Variants in CNTNAP2 observed in about 807,000 individuals in gnomAD.
CNTNAP2 encodes contactin-associated protein-like 2.
A neutral mutation model predicts 155.2 loss-of-function variants in CNTNAP2; 98 were observed. The ratio of observed to expected loss-of-function variants is 0.63; its 90% CI spans 0.54 to 0.75. CNTNAP2 has a LOEUF of 0.75. Ranked by LOEUF, CNTNAP2 falls within the 30% of genes least tolerant of loss-of-function variation. The pLI is 0.00. For synonymous variants in CNTNAP2, 651 were observed against 631.2 expected, an observed-to-expected ratio of 1.03 and a Z score of -0.47; for missense variants, 1,727 against 1,688.1, an observed-to-expected ratio of 1.02 and a Z score of -0.40.
chr7:146,304,145 T>G (rs1436711818), intron 1 of CNTNAP2, among the ~76,000 whole-genome samples: 1 of 151,846 alleles, frequency 6.6e-6, no homozygotes, highest in East Asian at 1.9e-4. Flanking sequence ...TGTCCCTTTT[T>G]TTTGAGCCTA....
intron 9 of CNTNAP2, among the ~76,000 whole-genome samples, chr7:147,391,657 C>T (rs1310485574): frequency 1.3e-5 from 2 of 151,974 alleles, no homozygotes; most frequent in Non-Finnish European, 2.9e-5. Context: ...AATTAGAATC[C>T]CTATTGTTTA....
At chr7:146,940,727 G>GTATA in intron 3 of CNTNAP2, among the ~76,000 whole-genome samples, 1 of 151,192 alleles carries the variant, frequency 6.6e-6, no homozygotes, top group Non-Finnish European at 1.5e-5. Flanking sequence ...AATATGGTGT[G>GTATA]TATATATATA....
intron 15 of CNTNAP2, among the ~76,000 whole-genome samples, chr7:148,106,081 T>C (rs1318039771): frequency 6.6e-6 from 1 of 152,144 alleles, no homozygotes; most frequent in Non-Finnish European, 1.5e-5. Context: ...CTATCAGGCC[T>C]TGGGGATTGA....
At chr7:146,950,163 T>C (rs1184596384) in intron 3 of CNTNAP2, among the ~76,000 whole-genome samples, 3 of 152,194 alleles carry the variant, frequency 2.0e-5, no homozygotes, top group Non-Finnish European at 2.9e-5. Context: ...AACAACTTTC[T>C]GAAATAATTA....
intron 1 of CNTNAP2, among the ~76,000 whole-genome samples, chr7:146,142,479 T>C (rs1357650911): frequency 6.6e-6 from 1 of 152,124 alleles, no homozygotes; most frequent in East Asian, 1.9e-4. Flanking sequence ...CAAGTTTTCA[T>C]GAAAGAGCAG....
chr7:146,772,895 G>C (rs1198983877), intron 1 of CNTNAP2, among the ~76,000 whole-genome samples: 1 of 152,154 alleles, frequency 6.6e-6, no homozygotes, highest in African/African-American at 2.4e-5. Context: ...AGTTTGAAAA[G>C]TGTTTCTTCA....
intron 15 of CNTNAP2, among the ~76,000 whole-genome samples, chr7:148,027,848 A>C (rs1802401129): frequency 6.6e-6 from 1 of 152,172 alleles, no homozygotes; most frequent in Non-Finnish European, 1.5e-5. Flanking sequence ...TGAGGTTGAA[A>C]CACTCAACTT....
intron 1 of CNTNAP2, among the ~76,000 whole-genome samples, chr7:146,451,375 A>G (rs1443521357): frequency 6.6e-6 from 1 of 152,144 alleles, no homozygotes; most frequent in Non-Finnish European, 1.5e-5. Flanking sequence ...TCTGGCATTA[A>G]CTCAATCAAA....
intron 21 of CNTNAP2, among the ~76,000 whole-genome samples, chr7:148,358,453 C>T (rs940621378): frequency 3.3e-5 from 5 of 152,120 alleles, no homozygotes; most frequent in African/African-American, 1.2e-4. Context: ...GTGGAGATTG[C>T]ATGAGAAGGG....
chr7:147,887,618 T>C lies in CNTNAP2; in HGVS notation c.2099-15947T>C, dbSNP rs1326767651. On this transcript the variant is annotated intron_variant, in intron 13 of 23. Coordinates refer to ENST00000361727, the MANE Select transcript of CNTNAP2 (RefSeq NM_014141.6). ...TGAATGCCAAAGCCAGAAGCTGACC[T>C]AAAGGCTTCTGTCAGTTCCATGCAA... Among the ~76,000 whole-genome samples the C allele has an allele frequency of 3.3e-5, 5 of 152,216 alleles. No individual in the cohort carries two copies. The East Asian group carries it at 9.6e-4, about 29-fold the overall frequency.
intron 3 of CNTNAP2, among the ~76,000 whole-genome samples, chr7:146,958,435 A>G (rs1396596967): frequency 1.0e-5 from 1 of 95,960 alleles, no homozygotes; most frequent in Non-Finnish European, 1.9e-5. Context: ...TTTTTTTGAG[A>G]CGGAGTCTCA....
At chr7:147,014,145 T>C (rs1482912851) in intron 3 of CNTNAP2, among the ~76,000 whole-genome samples, 3 of 152,172 alleles carry the variant, frequency 2.0e-5, no homozygotes, top group Admixed American at 6.6e-5. Context: ...ACTAAAGCAA[T>C]CTGTATGCTG....
In CNTNAP2 at chr7:147,760,114, T is replaced by G. The variant is rs186545149; in HGVS notation, c.2098+120808T>G. Among the ~76,000 whole-genome samples, 76 of 152,246 alleles carry G rather than the reference T, an allele frequency of 5.0e-4. 1 individual carries two copies. The East Asian group carries it at 0.013, about 26-fold the overall frequency. The stretch of plus-strand genomic sequence containing the variant: ...TCAAGAACCATTTCTATAGCAAATG[T>G]TATTACATTATGACCTTTTTTAAAA... On this transcript the variant is annotated intron_variant, in intron 13 of 23. Transcript: ENST00000361727.
Position 148,366,062 on chromosome 7 carries a change from ATGTATGCATGTATG to A in CNTNAP2, c.3476-17583_3476-17570del, listed in dbSNP as rs1798759363. On this transcript the variant is annotated intron_variant, in intron 21 of 23. Coordinates refer to ENST00000361727, the MANE Select transcript of CNTNAP2 (RefSeq NM_014141.6). ...TGCATGTATGCATGTGTGTGTATGC[ATGTATGCATGTATG>A]TGTGTGCATGTATACATGTATGTGT... is the stretch of plus-strand genomic sequence containing the variant. Among the ~76,000 whole-genome samples, 2 of 5,538 alleles carry A rather than the reference ATGTATGCATGTATG, an allele frequency of 3.6e-4. 1 individual carries two copies. The highest frequency in any genetic ancestry group is 5.3e-4 in the African/African-American group (2 of 3,788). The allele number at this position is 5,538 out of a possible 152,430, so 3.6% of individuals were successfully genotyped here. A position where few individuals can be genotyped will look rare whatever the true frequency, so the allele number is the denominator to read the frequency against.
chr7:146,364,472 T>C (rs1396819693), intron 1 of CNTNAP2, among the ~76,000 whole-genome samples: 1 of 152,214 alleles, frequency 6.6e-6, no homozygotes, highest in African/African-American at 2.4e-5. Flanking sequence ...TTAGAGGCAG[T>C]ATACATTTTA....
intron 1 of CNTNAP2, among the ~76,000 whole-genome samples, chr7:146,132,055 C>T (rs150772371): frequency 4.2e-4 from 64 of 152,290 alleles, no homozygotes; most frequent in Middle Eastern, 3.4e-3. Context: ...TACCCAATCT[C>T]AGGTAGATTC....
intron 13 of CNTNAP2, among the ~76,000 whole-genome samples, chr7:147,687,733 G>A (rs1443246363): frequency 1.3e-5 from 2 of 152,034 alleles, no homozygotes; most frequent in African/African-American, 4.8e-5. Flanking sequence ...ACCAATTATG[G>A]GGGAGGAGCA....
intron 3 of CNTNAP2, among the ~76,000 whole-genome samples, chr7:146,912,764 T>C (rs1349387992): frequency 1.3e-5 from 2 of 152,176 alleles, no homozygotes; most frequent in African/African-American, 4.8e-5. Context: ...ACTATTTATT[T>C]GACTGCGGGA....
At chr7:147,588,425 T>A (rs11975483) in intron 12 of CNTNAP2, among the ~76,000 whole-genome samples, 59,002 of 151,952 alleles carry the variant, frequency 0.39, 11,477 homozygotes, top group Admixed American at 0.43. Context: ...AAGAGGATAC[T>A]CTGTGAATAG....
Sources: gnomAD v4.1 joint callset for allele counts (sites outside exome capture counted in the v4.1 genomes callset) on GRCh38, gnomAD v4.1.1 for gene constraint, MANE v1.5 for transcripts, NCBI Gene and HGNC (gene_info 2026-07-23, HGNC 2026-07-21) for gene names.